TENT4A: variants seen among roughly 807,000 people sequenced by gnomAD.
The protein encoded by TENT4A is terminal nucleotidyltransferase 4A, also known as DNA polymerase kappa.
Under a neutral mutation model 72.8 loss-of-function variants are expected in TENT4A, and 7 were observed. That is an observed-to-expected ratio of 0.10 (90% CI 0.05 to 0.18). The LOEUF is 0.18. TENT4A is among the 10% of genes least tolerant of loss of function. TENT4A has a pLI of 1.00. For synonymous variants in TENT4A, 456 were observed against 434.3 expected, an observed-to-expected ratio of 1.05 and a Z score of -0.62; for missense variants, 831 against 1,017.7, an observed-to-expected ratio of 0.82 and a Z score of 2.50.
intron 6 of TENT4A, among the ~76,000 whole-genome samples, chr5:6,744,455 G>C (rs1741975727): frequency 6.6e-6 from 1 of 152,138 alleles, no homozygotes; most frequent in Non-Finnish European, 1.5e-5. Context: ...ATATTTTCTT[G>C]AGTGAAGAAT....
intron 1 of TENT4A, among the ~76,000 whole-genome samples, chr5:6,725,779 C>T (rs564267645): frequency 3.3e-5 from 5 of 152,082 alleles, no homozygotes; most frequent in East Asian, 1.9e-4. Context: ...TCTCTAGGCT[C>T]GTGTAGATGG....
chr5:6,716,298 T>C (rs1308990318), intron 1 of TENT4A, among the ~76,000 whole-genome samples: 3 of 152,136 alleles, frequency 2.0e-5, no homozygotes, highest in Admixed American at 6.5e-5. Context: ...AGTCTCATGA[T>C]CTTGACCCAC....
chr5:6,726,276 C>CT (rs1186084357), intron 1 of TENT4A, among the ~76,000 whole-genome samples: 1 of 152,158 alleles, frequency 6.6e-6, no homozygotes, highest in Non-Finnish European at 1.5e-5. Context: ...CTTCAGGCTC[C>CT]TGAAGGGTCT....
In TENT4A at chr5:6,750,389, C is replaced by G; in HGVS notation, c.1746C>G (p.Asn582Lys). The part of the protein sequence containing the change: ...IATCNGEQTQ[N>K]REPESPYGQR... ...CATGCAATGGGGAGCAGACGCAGAA[C>G]CGAGAGCCCGAGTCTCCCTATGGCC... Residue 582 changes from asparagine to lysine, a missense_variant, in exon 10 of 13, where the codon AAC becomes AAG. Transcript: ENST00000230859. 1.2e-6 allele frequency: 2 copies of G among 1,613,256 alleles called. No homozygotes were observed. Among genetic ancestry groups the G allele is most frequent in the South Asian group, 2.2e-5 (2 of 90,994 alleles).
At chr5:6,724,321 G>A (rs995622388) in intron 1 of TENT4A, among the ~76,000 whole-genome samples, 46 of 152,292 alleles carry the variant, frequency 3.0e-4, no homozygotes, top group African/African-American at 9.9e-4. Context: ...TTGGTTATAG[G>A]CATCGTCTCT....
rs967737743 is a variant in TENT4A at position 6,730,813 on chromosome 5, G to A, written c.717-6697G>A. Among the ~76,000 whole-genome samples the A allele has an allele frequency of 3.4e-5, 5 of 149,116 alleles. No individual in the cohort carries two copies. In the South Asian group the frequency reaches 6.4e-4, roughly 19 times the overall value. ...GCTTCTGAGTTTTCTAATTTGTGCA[G>A]GTATTAGTTGCCTTGTAACATAATC... On this transcript the variant is annotated intron_variant, in intron 1 of 12. Transcript: ENST00000230859.
chr5:6,750,085 A>G (rs1742314632), intron 9 of TENT4A, among the ~76,000 whole-genome samples: 1 of 152,238 alleles, frequency 6.6e-6, no homozygotes, highest in East Asian at 1.9e-4. Flanking sequence ...CTTGATCTAT[A>G]TTTAGATTTT....
Position 6,739,859 on chromosome 5 carries a change from G to A in TENT4A, c.1008+7G>A. 2.5e-6 allele frequency: 4 copies of A among 1,612,852 alleles called. No homozygotes were observed. Among genetic ancestry groups the A allele is most frequent in the South Asian group, 2.2e-5 (2 of 91,050 alleles). On this transcript the variant is annotated splice_region_variant and intron_variant, in intron 4 of 12. Transcript: ENST00000230859. Reference sequence around the variant, plus strand: ...AGTCCTTGACAAGGCTACGGTGAGTGCCTGGCTTTGGCCCCTCTGACCGGG... The same window carrying A: ...AGTCCTTGACAAGGCTACGGTGAGTACCTGGCTTTGGCCCCTCTGACCGGG...
chr5:6,752,947 T>C lies in TENT4A; in HGVS notation c.2094T>C (p.Thr698=). ...VPCRQAGVEG[T]ASLKAVHHMS... ...GCAGACAAGCTGGTGTAGAAGGAAC[T>C]GCGTCTTTGAAAGCCGTCCACCACA... Residue 698 remains threonine (T), a synonymous_variant, in exon 12 of 13, where the codon ACT becomes ACC. Coordinates refer to ENST00000230859, the MANE Select transcript of TENT4A (RefSeq NM_006999.6). The C allele has an allele frequency of 6.2e-7, 1 of 1,614,202 alleles. No homozygotes were observed. Among genetic ancestry groups the C allele is most frequent in the African/African-American group, 1.3e-5 (1 of 75,042 alleles).
chr5:6,720,913 G>T (rs1483264027), intron 1 of TENT4A, among the ~76,000 whole-genome samples: 2 of 152,110 alleles, frequency 1.3e-5, no homozygotes, highest in African/African-American at 4.8e-5. Flanking sequence ...CTTTGCAGAA[G>T]ATGTGGGGAA....
At chr5:6,742,908 C>G (rs879912952) in intron 5 of TENT4A, among the ~76,000 whole-genome samples, 3 of 152,130 alleles carry the variant, frequency 2.0e-5, no homozygotes, top group Non-Finnish European at 4.4e-5. Flanking sequence ...GCAGGTTTTA[C>G]CCAGGTGGAA....
intron 1 of TENT4A, among the ~76,000 whole-genome samples, chr5:6,722,510 A>C (rs1370507845): frequency 6.7e-6 from 1 of 150,182 alleles, no homozygotes; most frequent in Non-Finnish European, 1.5e-5. Flanking sequence ...CAATGCCTTA[A>C]TGATGAATAA....
At chr5:6,751,937 G>A (rs1346548688) in intron 11 of TENT4A, among the ~76,000 whole-genome samples, 1 of 152,208 alleles carries the variant, frequency 6.6e-6, no homozygotes, top group Non-Finnish European at 1.5e-5. Context: ...CGTGATTCTG[G>A]CGGAGCTTCT....
At position 6,752,857 on chromosome 5, in the gene TENT4A, C is replaced by T. The variant is rs750885159; in HGVS notation, c.2020-16C>T. 60 of 1,606,178 alleles carry T rather than the reference C, an allele frequency of 3.7e-5. No homozygotes were observed. The Admixed American group carries it at 9.7e-4, about 26-fold the overall frequency. On this transcript the variant is annotated splice_polypyrimidine_tract_variant and intron_variant, in intron 11 of 12. Coordinates refer to ENST00000230859, the MANE Select transcript of TENT4A (RefSeq NM_006999.6). ...ATTGCTTTGGTACCCATGGCCGTCT[C>T]TCATTTTGTTCCTAGACCAGGTTTA... is the stretch of plus-strand genomic sequence containing the variant.
chr5:6,725,678 C>T (rs1478329432), intron 1 of TENT4A, among the ~76,000 whole-genome samples: 1 of 152,088 alleles, frequency 6.6e-6, no homozygotes. Flanking sequence ...AAAACTGATC[C>T]GTGGTTTGTT....
intron 7 of TENT4A, 148 bp from the exon 8 acceptor site, chr5:6,748,316 T>C: frequency 2.0e-6 from 2 of 1,016,276 alleles, no homozygotes; most frequent in Non-Finnish European, 3.0e-6. Flanking sequence ...CCGTGCCCAT[T>C]GTGTTCGCCT....
intron 10 of TENT4A, 96 bp downstream of exon 10, chr5:6,750,599 C>T: frequency 8.0e-7 from 1 of 1,247,852 alleles, no homozygotes; most frequent in Non-Finnish European, 1.1e-6. Context: ...CTTGGTTTTG[C>T]TCAGGTTTTG....
At position 6,714,684 on chromosome 5, in the gene TENT4A, GC is replaced by G; in HGVS notation, c.704del (p.Pro235ArgfsTer10). The part of the protein sequence containing the change: ...PGTPWKSRAY[S>X]PGIQGLHEEI... ...ACCCCGTGGAAGAGCCGCGCGTACA[GC>G]CCGGGCATCCAGGGGTGAGTGCGCG... On this transcript the variant is annotated frameshift_variant, in exon 1 of 13. Coordinates refer to ENST00000230859, the MANE Select transcript of TENT4A (RefSeq NM_006999.6). LOFTEE classifies it high-confidence loss of function. 1 of 1,194,460 alleles carries G rather than the reference GC, an allele frequency of 8.4e-7. No homozygotes were observed. Among genetic ancestry groups the G allele is most frequent in the Non-Finnish European group, 1.0e-6 (1 of 963,752 alleles). 74.0% of individuals were successfully genotyped at this position (1,194,460 alleles called of 1,614,324 possible). A position where few individuals can be genotyped will look rare whatever the true frequency, so the allele number is the denominator to read the frequency against.
Position 6,714,683 on chromosome 5 carries a change from A to G in TENT4A, c.700A>G (p.Ser234Gly), listed in dbSNP as rs1474210880. The G allele has an allele frequency of 1.7e-6, 2 of 1,194,334 alleles. No individual in the cohort carries two copies. Among genetic ancestry groups the G allele is most frequent in the Non-Finnish European group, 2.1e-6 (2 of 963,784 alleles). 74.0% of individuals were successfully genotyped at this position (1,194,334 alleles called of 1,614,324 possible). Reference sequence around the variant, plus strand: ...CACCCCGTGGAAGAGCCGCGCGTACAGCCCGGGCATCCAGGGGTGAGTGCG... The same window carrying G: ...CACCCCGTGGAAGAGCCGCGCGTACGGCCCGGGCATCCAGGGGTGAGTGCG... The part of the protein sequence containing the change: ...PGTPWKSRAY[S>G]PGIQGLHEEI... The change falls in exon 1 of 13, where the codon AGC becomes GGC. Residue 234 changes from serine to glycine, a missense_variant. Coordinates refer to ENST00000230859, the MANE Select transcript of TENT4A (RefSeq NM_006999.6).
Sources: allele counts gnomAD v4.1 joint callset (sites outside exome capture counted in the v4.1 genomes callset), GRCh38; gene constraint gnomAD v4.1.1; transcripts MANE v1.5; gene names NCBI Gene and HGNC (gene_info 2026-07-23, HGNC 2026-07-21).